The following NUP210 variants were observed in gnomAD, a reference collection of about 807,000 sequenced individuals.
The protein encoded by NUP210 is nucleoporin 210.
In NUP210, 151 loss-of-function variants were observed where a neutral mutation model predicts 196.0. That is an observed-to-expected ratio of 0.77 (90% confidence interval 0.67 to 0.88). The LOEUF (loss-of-function observed/expected upper bound fraction) is 0.88. Among genes scored for constraint, NUP210 ranks in the 40% least tolerant of loss-of-function variants. The pLI, the probability that NUP210 is intolerant of heterozygous loss-of-function variation, is 0.00. For synonymous variants in NUP210, 1,070 were observed against 1,052.7 expected, an observed-to-expected ratio of 1.02 and a Z score of -0.32; for missense variants, 2,314 against 2,493.7, an observed-to-expected ratio of 0.93 and a Z score of 1.53.
At chr3:13,358,443 T>G (rs1698261843) in intron 15 of NUP210, 48 bp from the exon 16 acceptor site, 1 of 1,550,318 alleles carries the variant, frequency 6.5e-7, no homozygotes, top group African/African-American at 1.4e-5. Flanking sequence ...GAGTTCTCAC[T>G]CCTCTCTGAG....
intron 1 of NUP210, among the ~76,000 whole-genome samples, chr3:13,417,181 C>T (rs1200270140): frequency 6.6e-6 from 1 of 152,172 alleles, no homozygotes; most frequent in Non-Finnish European, 1.5e-5. Flanking sequence ...GCTCCTGCTC[C>T]AACTCAGTGT....
intron 11 of NUP210, 92 bp from the exon 12 acceptor site, chr3:13,373,965 T>A: frequency 2.1e-6 from 3 of 1,405,256 alleles, no homozygotes; most frequent in Non-Finnish European, 2.9e-6. Flanking sequence ...TGCATGCACG[T>A]ACTCACACTC....
At chr3:13,353,412 G>A (rs1431578248) in intron 18 of NUP210, 142 bp downstream of exon 18, 16 of 676,058 alleles carry the variant, frequency 2.4e-5, no homozygotes, top group Non-Finnish European at 4.2e-5. Context: ...CCTCTCCTGG[G>A]GCCTCCAAGA....
At chr3:13,341,628 T>C in intron 23 of NUP210, 120 bp downstream of exon 23, 3 of 1,188,808 alleles carry the variant, frequency 2.5e-6, no homozygotes, top group Middle Eastern at 2.9e-4. Flanking sequence ...TGAGAGGACA[T>C]TGTGGGACAC....
Position 13,407,995 on chromosome 3 carries a change from G to A in NUP210, c.168-8134C>T, listed in dbSNP as rs78817288. ...GCTAAGGACAGATAAAATGCTGGGA[G>A]GGCCAGGGCTGCCATCTTCCATGGA... On this transcript the variant is annotated intron_variant, in intron 1 of 39. Transcript: ENST00000254508. 3.2e-3 allele frequency among the ~76,000 whole-genome samples: 481 copies of A among 152,228 alleles called. 3 individuals are homozygous for A. Among genetic ancestry groups the A allele is most frequent in the African/African-American group, 0.011 (452 of 41,522 alleles).
intron 26 of NUP210, 36 bp downstream of exon 26, chr3:13,337,801 G>T (rs377386771): frequency 6.3e-7 from 1 of 1,577,464 alleles, no homozygotes; most frequent in East Asian, 2.3e-5. Context: ...GTGGCTCTTC[G>T]GGAACCAGGA....
chr3:13,344,620 C>A (rs1163771872), intron 20 of NUP210, among the ~76,000 whole-genome samples: 1 of 152,250 alleles, frequency 6.6e-6, no homozygotes, highest in African/African-American at 2.4e-5. Context: ...CTCCCAACAT[C>A]AACCCCTCAA....
At chr3:13,414,853 C>T (rs1052975599) in intron 1 of NUP210, among the ~76,000 whole-genome samples, 12 of 152,190 alleles carry the variant, frequency 7.9e-5, no homozygotes, top group African/African-American at 2.4e-4. Flanking sequence ...CGTTTAACTC[C>T]GGCAATCAAC....
In NUP210 at chr3:13,321,681, A is replaced by C; in HGVS notation, c.5070T>G (p.Gly1690=). 6.2e-7 allele frequency: 1 copy of C among 1,613,968 alleles called. No homozygotes were observed. The change falls in exon 36 of 40, where the codon GGT becomes GGG. Residue 1690 remains glycine, a synonymous_variant. Transcript: ENST00000254508. ...QVGAEVPFSP[G]LFADQAEILL... is the part of the protein sequence containing the mutation. ...GGATTTCAGCCTGGTCGGCGAAGAG[A>C]CCTGGGCTGAAGGGCACCTCGGCCC...
Position 13,376,150 on chromosome 3 carries a change from CAGGATGCAAGTAGCCCAAACAGGAAAA to C in NUP210, c.1293+114_1293+140del, listed in dbSNP as rs1232597113. ...CTTAAAGACTAAGGAAAATAGAACC[CAGGATGCAAGTAGCCCAAACAGGAAAA>C]GGGATGCAGGTGGCCCAACTCCCTG... On this transcript the variant is annotated intron_variant, in intron 10 of 39. Transcript: ENST00000254508. 7 of 782,972 alleles carry C rather than the reference CAGGATGCAAGTAGCCCAAACAGGAAAA, an allele frequency of 8.9e-6. No homozygotes were observed. The African/African-American group carries it at 1.2e-4, about 14-fold the overall frequency. 48.5% of individuals were successfully genotyped at this position (782,972 alleles called of 1,614,324 possible).
chr3:13,329,805 G>A (rs1160627866), intron 30 of NUP210, among the ~76,000 whole-genome samples: 1 of 152,196 alleles, frequency 6.6e-6, no homozygotes, highest in Admixed American at 6.5e-5. Flanking sequence ...TGCTGATGGA[G>A]AAGGTCCCAT....
intron 3 of NUP210, 151 bp downstream of exon 3, chr3:13,397,206 G>C: frequency 1.1e-6 from 1 of 896,890 alleles, no homozygotes; most frequent in Non-Finnish European, 1.6e-6. Context: ...ATCTCCCCCA[G>C]CACCAACTTC....
intron 20 of NUP210, chr3:13,344,981 G>A (rs926701654): frequency 6.1e-6 from 6 of 985,236 alleles, no homozygotes; most frequent in Non-Finnish European, 7.2e-6. Flanking sequence ...TGGTCCTGCC[G>A]GGTGCCATCA....
intron 13 of NUP210, among the ~76,000 whole-genome samples, chr3:13,371,593 C>T (rs1698732588): frequency 1.3e-5 from 2 of 152,254 alleles, no homozygotes; most frequent in Admixed American, 1.3e-4. Context: ...AGATGACACA[C>T]AGCTTAGAGA....
chr3:13,336,834 A>C lies in NUP210; in HGVS notation c.3637T>G (p.Ser1213Ala), dbSNP rs1203499065. The part of the protein sequence containing the change: ...NAVPGLTFHW[S>A]VTKRDVLDLR... Reference sequence around the variant, plus strand: ...TCCAGGACGTCCCGCTTGGTGACAGACCAGTGGAAGGTCAGGCCTGGCACG... The same window carrying C: ...TCCAGGACGTCCCGCTTGGTGACAGCCCAGTGGAAGGTCAGGCCTGGCACG... The change falls in exon 27 of 40, where the codon TCT becomes GCT. Residue 1213 changes from serine (S) to alanine (A), a missense_variant. Coordinates refer to ENST00000254508, the MANE Select transcript of NUP210 (RefSeq NM_024923.4). 7.4e-6 allele frequency: 12 copies of C among 1,613,704 alleles called. No homozygotes were observed. The highest frequency in any genetic ancestry group is 1.3e-5 in the African/African-American group (1 of 74,882).
At chr3:13,326,041 A>C (rs1576344089) in intron 32 of NUP210, 110 bp from the exon 33 acceptor site, 12 of 1,382,136 alleles carry the variant, frequency 8.7e-6, no homozygotes, top group African/African-American at 1.4e-5. Context: ...CGCTACCCCC[A>C]TGGGGGCTCA....
chr3:13,413,006 C>A (rs1700227782), intron 1 of NUP210, among the ~76,000 whole-genome samples: 1 of 151,802 alleles, frequency 6.6e-6, no homozygotes, highest in African/African-American at 2.4e-5. Flanking sequence ...GTAGCTCACG[C>A]CTGTAATCCC....
chr3:13,329,567 T>C (rs1696913756), intron 30 of NUP210, among the ~76,000 whole-genome samples: 1 of 152,234 alleles, frequency 6.6e-6, no homozygotes, highest in South Asian at 2.1e-4. Context: ...TGAAATAGGA[T>C]GAGCAGTCAG....
chr3:13,391,513 C>T (rs1426969969), intron 3 of NUP210, among the ~76,000 whole-genome samples: 5 of 151,366 alleles, frequency 3.3e-5, no homozygotes, highest in African/African-American at 4.9e-5. Flanking sequence ...CACCAGGGGG[C>T]GAGGCCAGAA....
Sources: gnomAD v4.1 joint callset for allele counts (sites outside exome capture counted in the v4.1 genomes callset) on GRCh38, gnomAD v4.1.1 for gene constraint, MANE v1.5 for transcripts, NCBI Gene and HGNC (gene_info 2026-07-23, HGNC 2026-07-21) for gene names.